ADAMTSL3: variants seen among roughly 807,000 people sequenced by gnomAD.
ADAMTSL3 encodes the protein ADAMTS like 3.
ADAMTSL3 carries 128 observed loss-of-function variants against 201.7 expected under a neutral mutation model. The observed-to-expected ratio is 0.63, with a 90% CI of 0.55 to 0.73. The LOEUF is 0.73. Ranked by LOEUF, ADAMTSL3 falls within the 30% of genes least tolerant of loss-of-function variation. The pLI is 0.00. For missense variants in ADAMTSL3, 1,990 were observed against 2,119.6 expected (o/e 0.94, Z 1.20); for synonymous variants, 738 against 748.4 (o/e 0.99, Z 0.23).
intron 19 of ADAMTSL3, among the ~76,000 whole-genome samples, chr15:83,968,605 A>G (rs1387656498): frequency 6.6e-6 from 1 of 152,216 alleles, no homozygotes; most frequent in Non-Finnish European, 1.5e-5. Flanking sequence ...TCAGTGTGGC[A>G]ATTCCTCAAG....
At chr15:83,951,095 A>G (rs1163810450) in intron 19 of ADAMTSL3, among the ~76,000 whole-genome samples, 2 of 151,076 alleles carry the variant, frequency 1.3e-5, no homozygotes, top group East Asian at 1.9e-4. Flanking sequence ...GTCTTTTTCC[A>G]GATATTACAG....
At chr15:83,823,969 T>TC (rs1567170005) in intron 6 of ADAMTSL3, among the ~76,000 whole-genome samples, 1,198 of 67,284 alleles carry the variant, frequency 0.018, 89 homozygotes, top group East Asian at 0.039. Context: ...TTCTTCTTCT[T>TC]CTTCTCCTCC....
intron 2 of ADAMTSL3, among the ~76,000 whole-genome samples, chr15:83,684,968 T>C (rs752990667): frequency 2.0e-5 from 3 of 152,216 alleles, no homozygotes; most frequent in Non-Finnish European, 4.4e-5. Flanking sequence ...ACTGAACAAT[T>C]AAGAATCCTA....
intron 21 of ADAMTSL3, among the ~76,000 whole-genome samples, chr15:83,988,204 C>T (rs1354112762): frequency 6.6e-6 from 1 of 152,176 alleles, no homozygotes; most frequent in African/African-American, 2.4e-5. Context: ...TCGACTTCTT[C>T]ATACAGGAAT....
At chr15:83,666,587 C>CA (rs1489810464) in intron 2 of ADAMTSL3, among the ~76,000 whole-genome samples, 2 of 152,218 alleles carry the variant, frequency 1.3e-5, no homozygotes, top group East Asian at 3.9e-4. Context: ...CCTGTACTCC[C>CA]AGCACTTTAG....
chr15:83,908,990 G>C (rs1255892104), intron 15 of ADAMTSL3, among the ~76,000 whole-genome samples: 1 of 152,172 alleles, frequency 6.6e-6, no homozygotes, highest in African/African-American at 2.4e-5. Flanking sequence ...TGCTGACTGT[G>C]GGCTGAGAGA....
intron 15 of ADAMTSL3, among the ~76,000 whole-genome samples, chr15:83,911,021 CT>C (rs1458583586): frequency 6.6e-6 from 1 of 152,130 alleles, no homozygotes; most frequent in Non-Finnish European, 1.5e-5. Context: ...AAAATATCTA[CT>C]TCCCATTAAA....
intron 15 of ADAMTSL3, among the ~76,000 whole-genome samples, chr15:83,902,033 C>A (rs2065734939): frequency 6.6e-6 from 1 of 152,270 alleles, no homozygotes; most frequent in African/African-American, 2.4e-5. Context: ...TTTCTTGGCT[C>A]CTTCTCATTC....
intron 4 of ADAMTSL3, among the ~76,000 whole-genome samples, chr15:83,777,552 C>T (rs950554938): frequency 2.0e-5 from 3 of 152,030 alleles, no homozygotes; most frequent in African/African-American, 7.3e-5. Context: ...TGGCTGAATC[C>T]ACCTTATACT....
At position 83,994,128 on chromosome 15, in the gene ADAMTSL3, A is replaced by G. The variant is rs139481610; in HGVS notation, c.3973+2914A>G. 8.4e-3 allele frequency among the ~76,000 whole-genome samples: 1,275 copies of G among 152,360 alleles called. 15 individuals carry two copies. The highest frequency in any genetic ancestry group is 0.011 in the Non-Finnish European group (739 of 68,036). On this transcript the variant is annotated intron_variant, in intron 23 of 29. Transcript: ENST00000286744. ...ATGAAGGGCACTGGCAAAGCCATCA[A>G]TGGCCCAGCCCTAAGCTTAGAAAAT...
intron 3 of ADAMTSL3, among the ~76,000 whole-genome samples, chr15:83,753,540 G>A (rs55850366): frequency 0.021 from 3,252 of 152,196 alleles, 111 homozygotes; most frequent in African/African-American, 0.071. Context: ...TTGATGAGTC[G>A]TTGGCACAAC....
intron 17 of ADAMTSL3, among the ~76,000 whole-genome samples, chr15:83,925,802 A>G (rs923324932): frequency 3.3e-5 from 5 of 152,150 alleles, no homozygotes; most frequent in Non-Finnish European, 5.9e-5. Context: ...TGAATTAGAT[A>G]CTTTTGGAAA....
intron 5 of ADAMTSL3, among the ~76,000 whole-genome samples, chr15:83,818,297 A>C (rs889958920): frequency 1.3e-5 from 2 of 150,566 alleles, no homozygotes; most frequent in South Asian, 4.2e-4. Context: ...ATAATACAAA[A>C]AAATAATAAA....
chr15:83,994,240 C>T (rs923745845), intron 23 of ADAMTSL3, among the ~76,000 whole-genome samples: 1 of 152,216 alleles, frequency 6.6e-6, no homozygotes, highest in African/African-American at 2.4e-5. Context: ...TAAACTAAAA[C>T]TAAGCTAAAG....
intron 3 of ADAMTSL3, among the ~76,000 whole-genome samples, chr15:83,741,250 A>G (rs558914854): frequency 2.0e-5 from 3 of 151,286 alleles, no homozygotes; most frequent in East Asian, 3.9e-4. Flanking sequence ...AATAAATATT[A>G]ATAGATGGAA....
intron 7 of ADAMTSL3, among the ~76,000 whole-genome samples, chr15:83,851,537 A>G (rs1310676516): frequency 6.6e-6 from 1 of 152,182 alleles, no homozygotes; most frequent in Non-Finnish European, 1.5e-5. Context: ...AATATGCCCA[A>G]ATAGGTTTTC....
At chr15:84,016,161 A>G (rs1356135881) in intron 24 of ADAMTSL3, among the ~76,000 whole-genome samples, 1 of 152,196 alleles carries the variant, frequency 6.6e-6, no homozygotes, top group African/African-American at 2.4e-5. Context: ...ACATGCAGAG[A>G]TGCCACATGC....
chr15:83,998,490 C>G (rs9989259), intron 23 of ADAMTSL3, among the ~76,000 whole-genome samples: 60,468 of 152,078 alleles, frequency 0.4, 12,334 homozygotes, highest in Admixed American at 0.52. Context: ...ATAAAAGAGT[C>G]TGTAAATCAA....
At chr15:83,970,142 A>T (rs931223268) in intron 19 of ADAMTSL3, among the ~76,000 whole-genome samples, 1 of 152,176 alleles carries the variant, frequency 6.6e-6, no homozygotes, top group South Asian at 2.1e-4. Flanking sequence ...AATAAATTAG[A>T]TATTAATTGC....
Sources: gnomAD v4.1 joint callset for allele counts (sites outside exome capture counted in the v4.1 genomes callset) on GRCh38, gnomAD v4.1.1 for gene constraint, MANE v1.5 for transcripts, NCBI Gene and HGNC (gene_info 2026-07-23, HGNC 2026-07-21) for gene names.